PAN3: variants seen among roughly 807,000 people sequenced by gnomAD.
The protein encoded by PAN3 is PAN2-PAN3 deadenylation complex subunit PAN3.
In PAN3, 19 loss-of-function variants were observed where a neutral mutation model predicts 96.2. The observed-to-expected ratio is 0.20, with a 90% CI of 0.14 to 0.29. The LOEUF (loss-of-function observed/expected upper bound fraction) is 0.29. Among genes scored for constraint, PAN3 ranks in the 10% least tolerant of loss-of-function variants. The pLI, the probability that PAN3 is intolerant of heterozygous loss-of-function variation, is 1.00. For missense variants in PAN3, 882 were observed against 1,108.1 expected (o/e 0.80, Z 2.90); for synonymous variants, 433 against 406.6 (o/e 1.06, Z -0.78).
At chr13:28,197,147 G>A (rs777564985) in intron 4 of PAN3, 38 bp from the exon 5 acceptor site, 1 of 1,598,158 alleles carries the variant, frequency 6.3e-7, no homozygotes, top group Non-Finnish European at 8.5e-7. Flanking sequence ...TGTGGGGGAT[G>A]TTAGGAGTGG....
intron 7 of PAN3, among the ~76,000 whole-genome samples, chr13:28,257,709 TATATATAATTA>T (rs1422054849): frequency 7.2e-6 from 1 of 139,044 alleles, no homozygotes; most frequent in African/African-American, 2.7e-5. Context: ...TTATATATAT[TATATATAATTA>T]ATATATATTA....
At chr13:28,153,230 C>A (rs888159737) in intron 1 of PAN3, among the ~76,000 whole-genome samples, 9 of 140,616 alleles carry the variant, frequency 6.4e-5, no homozygotes, top group Admixed American at 5.6e-4. Context: ...ATGTATAATA[C>A]GCTTTTTTTT....
At chr13:28,265,169 A>G (rs1229579170) in intron 9 of PAN3, among the ~76,000 whole-genome samples, 1 of 152,238 alleles carries the variant, frequency 6.6e-6, no homozygotes, top group Non-Finnish European at 1.5e-5. Flanking sequence ...AAACTAGGTA[A>G]ATGCGCAAAA....
chr13:28,187,114 T>G (rs1407110557), intron 4 of PAN3, among the ~76,000 whole-genome samples: 1 of 151,296 alleles, frequency 6.6e-6, no homozygotes, highest in Non-Finnish European at 1.5e-5. Context: ...ATAACTCGAG[T>G]CCAGGAGTTT....
chr13:28,184,268 T>C (rs1876176048), intron 4 of PAN3, among the ~76,000 whole-genome samples: 1 of 125,322 alleles, frequency 8.0e-6, no homozygotes, highest in African/African-American at 3.5e-5. Context: ...TAAACCTAAA[T>C]AATTATTTTA....
intron 1 of PAN3, among the ~76,000 whole-genome samples, chr13:28,173,587 G>C (rs1490514754): frequency 1.3e-5 from 2 of 152,186 alleles, no homozygotes; most frequent in Non-Finnish European, 2.9e-5. Flanking sequence ...TGGGGTTGAA[G>C]GGGGTTTCTC....
intron 1 of PAN3, among the ~76,000 whole-genome samples, chr13:28,146,300 G>GTCTCTCTCTCTC (rs71086834): frequency 7.0e-6 from 1 of 143,416 alleles, no homozygotes; most frequent in Non-Finnish European, 1.5e-5. Flanking sequence ...CTCTTTCTCT[G>GTCTCTCTCTCTC]TCTCTCTCTC....
Position 28,293,546 on chromosome 13 carries a change from G to C in PAN3, c.*1024G>C, listed in dbSNP as rs1870024258. On this transcript the variant is annotated 3_prime_UTR_variant, in exon 19 of 19. Transcript: ENST00000380958. ...ACTCAGCAGTGGTCTGGTATCAAGAGCTTTCTGATGTTTTACAGCCTGAAT... is the reference window on the plus strand; with the variant it reads ...ACTCAGCAGTGGTCTGGTATCAAGACCTTTCTGATGTTTTACAGCCTGAAT... The C allele has an allele frequency of 6.6e-6, 1 of 152,288 alleles. No homozygotes were observed. Among genetic ancestry groups the C allele is most frequent in the Non-Finnish European group, 1.5e-5 (1 of 67,998 alleles). 9.4% of individuals were successfully genotyped at this position (152,288 alleles called of 1,614,324 possible).
intron 1 of PAN3, among the ~76,000 whole-genome samples, chr13:28,159,316 C>T (rs1872616247): frequency 6.6e-6 from 1 of 152,166 alleles, no homozygotes; most frequent in Non-Finnish European, 1.5e-5. Context: ...ATGGTTGGAG[C>T]TGGAGGTCAT....
intron 4 of PAN3, among the ~76,000 whole-genome samples, chr13:28,180,885 G>A (rs1222439422): frequency 6.6e-6 from 1 of 152,030 alleles, no homozygotes; most frequent in East Asian, 1.9e-4. Context: ...AATCTAATTG[G>A]AGATGCAATA....
intron 15 of PAN3, 48 bp from the exon 16 acceptor site, chr13:28,280,364 T>TAAAAAAC: frequency 6.4e-7 from 1 of 1,557,954 alleles, no homozygotes; most frequent in Non-Finnish European, 8.7e-7. Context: ...TCTTGTTTTT[T>TAAAAAAC]AAATTGCATG....
chr13:28,140,699 G>T (rs76686984), intron 1 of PAN3, among the ~76,000 whole-genome samples: 2 of 151,500 alleles, frequency 1.3e-5, no homozygotes, highest in African/African-American at 2.4e-5. Flanking sequence ...GTTCTGTTCT[G>T]TTCTTTTCTC....
chr13:28,153,074 A>T (rs934656178), intron 1 of PAN3, among the ~76,000 whole-genome samples: 2 of 152,166 alleles, frequency 1.3e-5, no homozygotes, highest in African/African-American at 4.8e-5. Context: ...GATCTGACGT[A>T]GGGAAAAGTT....
intron 1 of PAN3, among the ~76,000 whole-genome samples, chr13:28,165,603 A>G (rs1006898904): frequency 1.3e-5 from 2 of 152,206 alleles, no homozygotes; most frequent in Admixed American, 1.3e-4. Context: ...ATGTAGATTC[A>G]TATCTATAAT....
chr13:28,237,429 G>GC (rs1234865884), intron 6 of PAN3, among the ~76,000 whole-genome samples: 5 of 152,076 alleles, frequency 3.3e-5, no homozygotes, highest in Non-Finnish European at 5.9e-5. Flanking sequence ...TATCATTTCT[G>GC]CCCCTAGAGA....
intron 6 of PAN3, among the ~76,000 whole-genome samples, chr13:28,240,516 G>A (rs1187563205): frequency 6.6e-6 from 1 of 152,102 alleles, no homozygotes; most frequent in Admixed American, 6.5e-5. Flanking sequence ...ATATATAGGA[G>A]TAATGATAGT....
rs1869161322 is a variant in PAN3, at chr13:28,138,831, C to T, written c.174C>T (p.Cys58=). The change falls in exon 1 of 19, where the codon TGC becomes TGT. Residue 58 remains cysteine (C), a synonymous_variant. Transcript: ENST00000380958. ...YCRYYAKDKT[C]FYGEECQFLH... is the part of the protein sequence containing the mutation. ...GCTACTACGCTAAGGATAAGACTTG[C>T]TTCTACGGGGAGGAGTGTCAGTTCC... 2.1e-6 allele frequency: 3 copies of T among 1,416,400 alleles called. No individual in the cohort carries two copies. Among genetic ancestry groups the T allele is most frequent in the Admixed American group, 3.0e-5 (1 of 33,424 alleles). 87.7% of individuals were successfully genotyped at this position (1,416,400 alleles called of 1,614,324 possible).
chr13:28,230,011 A>C (rs919145903), intron 6 of PAN3, among the ~76,000 whole-genome samples: 18 of 150,318 alleles, frequency 1.2e-4, no homozygotes, highest in African/African-American at 4.2e-4. Flanking sequence ...TCCTCCTCCT[A>C]ATCTGCTGAG....
chr13:28,204,089 G>A (rs555676603), intron 5 of PAN3, among the ~76,000 whole-genome samples: 35 of 152,184 alleles, frequency 2.3e-4, no homozygotes, highest in South Asian at 1.2e-3. Context: ...GATTACAGGC[G>A]TGAGCGACCA....
Sources: gnomAD v4.1 joint callset for allele counts (sites outside exome capture counted in the v4.1 genomes callset) on GRCh38, gnomAD v4.1.1 for gene constraint, MANE v1.5 for transcripts, NCBI Gene and HGNC (gene_info 2026-07-23, HGNC 2026-07-21) for gene names.